PHF12: variants seen among roughly 807,000 people sequenced by gnomAD.
PHF12 encodes the protein PHD finger protein 12.
In PHF12, 6 loss-of-function variants were observed where a neutral mutation model predicts 99.8. That is an observed-to-expected ratio of 0.06 (90% CI 0.03 to 0.12). The LOEUF is 0.12. Ranked by LOEUF, PHF12 falls within the 10% of genes least tolerant of loss-of-function variation. PHF12 has a pLI of 1.00. For synonymous variants in PHF12, 480 were observed against 514.9 expected, an observed-to-expected ratio of 0.93 and a Z score of 0.92; for missense variants, 954 against 1,300.1, an observed-to-expected ratio of 0.73 and a Z score of 4.09.
intron 2 of PHF12, among the ~76,000 whole-genome samples, chr17:28,932,894 C>A (rs986374587): frequency 6.6e-6 from 1 of 152,040 alleles, no homozygotes; most frequent in East Asian, 1.9e-4. Context: ...TGCAGTGAGC[C>A]GAGACCGCAT....
intron 3 of PHF12, chr17:28,924,661 A>G: frequency 3.0e-6 from 1 of 330,132 alleles, no homozygotes; most frequent in South Asian, 2.5e-5. Context: ...CAATAGTAAA[A>G]ATCAATGGGG....
chr17:28,911,933 G>T (rs1361468548), intron 9 of PHF12, among the ~76,000 whole-genome samples: 1 of 152,248 alleles, frequency 6.6e-6, no homozygotes, highest in Non-Finnish European at 1.5e-5. Flanking sequence ...ACGCTTCTGG[G>T]CTAGAACAAT....
In PHF12 at chr17:28,912,985, G is replaced by C. The variant is rs771016383; in HGVS notation, c.1586C>G (p.Ser529Cys). The C allele has an allele frequency of 3.1e-6, 5 of 1,614,100 alleles. No homozygotes were observed. In the African/African-American group the frequency reaches 5.3e-5, roughly 17 times the overall value. ...GGCAGTCCCACAAGGGGTTTTCTTG[G>C]ATTTTTCCGCACAAGAACTGCAGCC... is the stretch of plus-strand genomic sequence containing the variant. The part of the protein sequence containing the change: ...DIGCSSCAEK[S>C]KKTPCGTANG... The change falls in exon 9 of 15, where the codon TCC (serine) becomes TGC (cysteine). Residue 529 changes from serine (S) to cysteine (C), a missense_variant. By Grantham distance (112) the Ser-to-Cys change is moderately radical. This residue lies in a region of PHF12 where 392 missense variants were observed against 423.1 expected (regional missense o/e 0.93). Coordinates refer to ENST00000332830, the MANE Select transcript of PHF12 (RefSeq NM_001033561.2).
chr17:28,909,197 T>C (rs1018203009), intron 11 of PHF12: 7 of 299,538 alleles, frequency 2.3e-5, no homozygotes, highest in Non-Finnish European at 4.5e-5. Flanking sequence ...AGGGAGAATA[T>C]GGAAAAACAG....
chr17:28,912,371 A>G, intron 9 of PHF12, 111 bp downstream of exon 9: 4 of 1,441,460 alleles, frequency 2.8e-6, no homozygotes, highest in African/African-American at 1.4e-5. Flanking sequence ...AAACAATACA[A>G]AGGCCAAAGT....
intron 7 of PHF12, among the ~76,000 whole-genome samples, chr17:28,915,820 TC>T (rs2040051558): frequency 6.6e-6 from 1 of 152,214 alleles, no homozygotes; most frequent in Non-Finnish European, 1.5e-5. Context: ...TCTCAAACTG[TC>T]CAAGTACAAA....
intron 2 of PHF12, among the ~76,000 whole-genome samples, chr17:28,929,003 G>C (rs574515273): frequency 6.6e-6 from 1 of 151,926 alleles, no homozygotes; most frequent in South Asian, 2.1e-4. Context: ...GGCCGAGGCA[G>C]GAGAATCGCT....
intron 2 of PHF12, among the ~76,000 whole-genome samples, chr17:28,935,235 G>A (rs866747718): frequency 2.0e-5 from 3 of 152,072 alleles, no homozygotes; most frequent in African/African-American, 4.8e-5. Flanking sequence ...GAAAGCGACC[G>A]TTCACTGCTT....
chr17:28,950,057 G>C lies in PHF12; in HGVS notation c.248+8C>G. Reference sequence around the variant, plus strand: ...CCAAGAAGCTCCAAAAGGGTCCCCAGACCTTACCAGCACTGGAGGTGGAAG... The same window carrying C: ...CCAAGAAGCTCCAAAAGGGTCCCCACACCTTACCAGCACTGGAGGTGGAAG... On this transcript the variant is annotated splice_region_variant and intron_variant, in intron 2 of 14. Transcript: ENST00000332830. This position sits in a 1 kb window ranked among gnomAD's most constrained non-coding sequence, Gnocchi z 5.7. The C allele has an allele frequency of 1.2e-6, 2 of 1,608,112 alleles. No homozygotes were observed.
At position 28,950,805 on chromosome 17, in the gene PHF12, G is replaced by A. The variant is rs1334943896; in HGVS notation, c.66+90C>T. On this transcript the variant is annotated intron_variant, in intron 1 of 14. Coordinates refer to ENST00000332830, the MANE Select transcript of PHF12 (RefSeq NM_001033561.2). The surrounding 1 kb of genome is among the most constrained non-coding windows in gnomAD (Gnocchi z 5.7). ...GAATCCCCCTCCCTCGGCCATCTAG[G>A]CGCTTCGAGTTTAGGACTGGCTTTG... 4.5e-6 allele frequency: 7 copies of A among 1,545,218 alleles called. No individual in the cohort carries two copies. In the East Asian group the frequency reaches 9.7e-5, roughly 21 times the overall value.
At chr17:28,919,041 T>C in intron 6 of PHF12, 102 bp downstream of exon 6, 1 of 1,418,268 alleles carries the variant, frequency 7.1e-7, no homozygotes. Context: ...CCTATGACAA[T>C]GTGGTGAACT....
Position 28,950,755 on chromosome 17 carries a change from G to C in PHF12, c.66+140C>G. On this transcript the variant is annotated intron_variant, in intron 1 of 14. Coordinates refer to ENST00000332830, the MANE Select transcript of PHF12 (RefSeq NM_001033561.2). This position sits in a 1 kb window ranked among gnomAD's most constrained non-coding sequence, Gnocchi z 5.7. ...AGCTCAGCCCCCTAAATTGCAAAGA[G>C]GGGAGGGAGAGGCTAGGTGAGGAAG... 1.6e-6 allele frequency: 2 copies of C among 1,263,500 alleles called. No individual in the cohort carries two copies. The highest frequency in any genetic ancestry group is 3.2e-5 in the South Asian group (2 of 61,948). The allele number at this position is 1,263,500 out of a possible 1,614,324, so 78.3% of individuals were successfully genotyped here.
rs2152681247 is a variant in PHF12, at chr17:28,950,943, C to T, written c.18G>A (p.Glu6=). 1.9e-6 allele frequency: 3 copies of T among 1,614,040 alleles called. No homozygotes were observed. Among genetic ancestry groups the T allele is most frequent in the Middle Eastern group, 1.6e-4 (1 of 6,062 alleles). The change falls in exon 1 of 15, where the codon GAG becomes GAA. Residue 6 remains glutamate, a synonymous_variant. Coordinates refer to ENST00000332830, the MANE Select transcript of PHF12 (RefSeq NM_001033561.2). The surrounding 1 kb of genome is among the most constrained non-coding windows in gnomAD (Gnocchi z 5.7). MWEKM[E]TKTIVYDLDT... is the part of the protein sequence containing the mutation. ...CCAAGTCGTACACGATCGTCTTGGT[C>T]TCCATTTTCTCCCACATTCATCCAC...
chr17:28,938,062 C>G (rs1346854239), intron 2 of PHF12, among the ~76,000 whole-genome samples: 1 of 152,132 alleles, frequency 6.6e-6, no homozygotes, highest in African/African-American at 2.4e-5. Flanking sequence ...CAAATTTTAA[C>G]AGACTATCAA....
intron 2 of PHF12, among the ~76,000 whole-genome samples, chr17:28,946,984 A>T (rs1430458210): frequency 1.4e-5 from 2 of 147,586 alleles, no homozygotes; most frequent in African/African-American, 2.5e-5. Context: ...TAATAGGACA[A>T]TTTTTTTTTT....
At chr17:28,914,670 TC>T (rs2040029727) in intron 7 of PHF12, among the ~76,000 whole-genome samples, 1 of 17,814 alleles carries the variant, frequency 5.6e-5, no homozygotes, top group Non-Finnish European at 8.7e-5. Flanking sequence ...AGACTCCGTC[TC>T]AAAAAAAAAA....
At chr17:28,919,803 A>G (rs1224273097) in intron 5 of PHF12, among the ~76,000 whole-genome samples, 1 of 152,168 alleles carries the variant, frequency 6.6e-6, no homozygotes, top group Non-Finnish European at 1.5e-5. Context: ...GGGGGCTCCC[A>G]TTAGGTTCTT....
At chr17:28,909,992 C>A in intron 11 of PHF12, 1 of 681,654 alleles carries the variant, frequency 1.5e-6, no homozygotes, top group South Asian at 1.6e-5. Flanking sequence ...TCGAAGTGGA[C>A]TTATATATGA....
Position 28,946,719 on chromosome 17 carries a change from G to A in PHF12, c.248+3346C>T, listed in dbSNP as rs535585314. 1.5e-4 allele frequency among the ~76,000 whole-genome samples: 23 copies of A among 152,314 alleles called. No homozygotes were observed. In the East Asian group the frequency reaches 4.4e-3, roughly 29 times the overall value. On this transcript the variant is annotated intron_variant, in intron 2 of 14. Transcript: ENST00000332830. Reference sequence around the variant, plus strand: ...AAATTTCACTTTTTCTTTAAATTTTGTAGAGATGGAGTCTTGCTATGTTGC... The same window carrying A: ...AAATTTCACTTTTTCTTTAAATTTTATAGAGATGGAGTCTTGCTATGTTGC...
Sources: gnomAD v4.1 joint callset for allele counts (sites outside exome capture counted in the v4.1 genomes callset) on GRCh38, gnomAD v4.1.1 for gene constraint, gnomAD v4.1.1 regional missense constraint, Gnocchi (gnomAD v3.1) non-coding constraint, MANE v1.5 for transcripts, NCBI Gene and HGNC (gene_info 2026-07-23, HGNC 2026-07-21) for gene names.